The following ZC3H11A variants were observed in gnomAD, a reference collection of about 807,000 sequenced individuals.
The protein encoded by ZC3H11A is zinc finger CCCH domain-containing protein 11A.
In ZC3H11A, 22 loss-of-function variants were observed where a neutral mutation model predicts 90.8. That is an observed-to-expected ratio of 0.24 (90% CI 0.17 to 0.35). The LOEUF (loss-of-function observed/expected upper bound fraction) is 0.35, where lower values mean the gene tolerates loss of function less well. Ranked by LOEUF, ZC3H11A falls within the 10% of genes least tolerant of loss-of-function variation. The pLI, the probability that ZC3H11A is intolerant of heterozygous loss-of-function variation, is 1.00. For missense variants in ZC3H11A, 701 were observed against 964.9 expected (o/e 0.73, Z 3.62); for synonymous variants, 294 against 339.8 (o/e 0.87, Z 1.48).
At position 203,851,109 on chromosome 1, in the gene ZC3H11A, A is replaced by C. The variant is rs1689141187; in HGVS notation, c.2159A>C (p.Glu720Ala). 2 of 1,614,188 alleles carry C rather than the reference A, an allele frequency of 1.2e-6. No homozygotes were observed. The highest frequency in any genetic ancestry group is 4.5e-5 in the East Asian group (2 of 44,876). ...AAATCAGTCACTGTGCCTGAAGCAG[A>C]AAATCCTAGAGACAGGTAATACTTT... ...EDKSVTVPEA[E>A]NPRDSLVLPP... The change falls in exon 17 of 18, where the codon GAA becomes GCA. Residue 720 changes from glutamate to alanine, a missense_variant. This residue lies in a region of ZC3H11A where 91 missense variants were observed against 86.8 expected (regional missense o/e 1.05). Coordinates refer to ENST00000367210, the MANE Select transcript of ZC3H11A (RefSeq NM_001376342.1).
At chr1:203,811,487 C>T (rs1345623567) in intron 2 of ZC3H11A, among the ~76,000 whole-genome samples, 1 of 152,080 alleles carries the variant, frequency 6.6e-6, no homozygotes, top group Non-Finnish European at 1.5e-5. Context: ...TGAGATTGAC[C>T]TCTAAGCCTT....
At chr1:203,835,185 G>A (rs921334948) in intron 10 of ZC3H11A, among the ~76,000 whole-genome samples, 2 of 152,164 alleles carry the variant, frequency 1.3e-5, no homozygotes, top group Non-Finnish European at 2.9e-5. Flanking sequence ...AACTTTCAGC[G>A]ATGAGATAAT....
intron 9 of ZC3H11A, 65 bp downstream of exon 9, chr1:203,831,836 C>T (rs1012714152): frequency 4.6e-6 from 6 of 1,298,948 alleles, no homozygotes; most frequent in Non-Finnish European, 4.3e-6. Flanking sequence ...AATGCAAAAT[C>T]CTTGGGTATC....
intron 4 of ZC3H11A, among the ~76,000 whole-genome samples, chr1:203,821,141 G>A (rs755854080): frequency 4.6e-5 from 7 of 152,092 alleles, no homozygotes; most frequent in Non-Finnish European, 1.0e-4. Flanking sequence ...TCTCATGATA[G>A]TGAGTGCGTT....
chr1:203,838,936 C>T (rs1289862407), intron 11 of ZC3H11A, among the ~76,000 whole-genome samples: 2 of 131,690 alleles, frequency 1.5e-5, no homozygotes, highest in Non-Finnish European at 3.1e-5. Context: ...GCCTGGGTGA[C>T]CGAGTGAGAC....
intron 11 of ZC3H11A, 147 bp downstream of exon 11, chr1:203,838,211 CCTTAGTCTGCTAGATT>C: frequency 2.5e-6 from 2 of 797,000 alleles, no homozygotes; most frequent in Non-Finnish European, 3.9e-6. Context: ...AACATTTGAT[CCTTAGTCTGCTAGATT>C]CTGGGTAGAC....
chr1:203,818,170 A>G (rs560877408), intron 3 of ZC3H11A, among the ~76,000 whole-genome samples: 1 of 152,260 alleles, frequency 6.6e-6, no homozygotes, highest in East Asian at 1.9e-4. Flanking sequence ...GCAGTGGAGC[A>G]CAGTTATATT....
chr1:203,820,878 A>G (rs147338118), intron 4 of ZC3H11A, among the ~76,000 whole-genome samples: 51 of 152,228 alleles, frequency 3.4e-4, no homozygotes, highest in African/African-American at 1.2e-3. Flanking sequence ...TATCTGCCAG[A>G]TTGCTTCATT....
At chr1:203,851,835 GAC>G (rs1689354060) in intron 17 of ZC3H11A, among the ~76,000 whole-genome samples, 1 of 151,562 alleles carries the variant, frequency 6.6e-6, no homozygotes, top group Admixed American at 6.6e-5. Context: ...ATCACATGGT[GAC>G]ACACACCTGT....
rs1366492932 is a variant in ZC3H11A, at chr1:203,852,972, C to T, written c.*573C>T. On this transcript the variant is annotated 3_prime_UTR_variant, in exon 18 of 18. Transcript: ENST00000367210. Reference sequence around the variant, plus strand: ...GGAAGCCTGTAATGTGGGCATAACTCTTTGGACCTGATCTTGATGCTTCTG... The same window carrying T: ...GGAAGCCTGTAATGTGGGCATAACTTTTTGGACCTGATCTTGATGCTTCTG... 6.5e-6 allele frequency: 1 copy of T among 154,364 alleles called. No individual in the cohort carries two copies. The highest frequency in any genetic ancestry group is 1.4e-5 in the Non-Finnish European group (1 of 69,328). 9.6% of individuals were successfully genotyped at this position (154,364 alleles called of 1,614,324 possible). A position where few individuals can be genotyped will look rare whatever the true frequency, so the allele number is the denominator to read the frequency against.
chr1:203,797,744 G>A, intron 1 of ZC3H11A: 1 of 1,535,620 alleles, frequency 6.5e-7, no homozygotes. Context: ...AGGGGAAAAG[G>A]CGTCGAAAAA....
chr1:203,803,698 T>G (rs530636532), intron 2 of ZC3H11A, among the ~76,000 whole-genome samples: 1 of 152,160 alleles, frequency 6.6e-6, no homozygotes, highest in Non-Finnish European at 1.5e-5. Context: ...GTCAAACCCC[T>G]GGGCTTAAGA....
At chr1:203,836,835 A>G (rs1233241538) in intron 10 of ZC3H11A, among the ~76,000 whole-genome samples, 1 of 152,176 alleles carries the variant, frequency 6.6e-6, no homozygotes, top group African/African-American at 2.4e-5. Flanking sequence ...TAACTAGTTG[A>G]TGACTTGGGT....
chr1:203,816,514 G>A (rs1291622202), intron 2 of ZC3H11A, among the ~76,000 whole-genome samples: 1 of 151,980 alleles, frequency 6.6e-6, no homozygotes, highest in East Asian at 1.9e-4. Context: ...CTGTAGTCCT[G>A]GATACTTGGG....
At chr1:203,833,913 C>A in intron 10 of ZC3H11A, 60 bp downstream of exon 10, 1 of 1,547,136 alleles carries the variant, frequency 6.5e-7, no homozygotes, top group Non-Finnish European at 8.8e-7. Flanking sequence ...AACATGATAG[C>A]TTCTCCAAAC....
chr1:203,840,339 G>T lies in ZC3H11A; in HGVS notation c.1007G>T (p.Gly336Val). 2 of 1,612,988 alleles carry T rather than the reference G, an allele frequency of 1.2e-6. No individual in the cohort carries two copies. Among genetic ancestry groups the T allele is most frequent in the South Asian group, 1.1e-5 (1 of 90,980 alleles). Residue 336 changes from glycine to valine, a missense_variant, in exon 12 of 18, where the codon GGC becomes GTC. Physicochemically the swap from Gly to Val is moderately radical, Grantham distance 109. Coordinates refer to ENST00000367210, the MANE Select transcript of ZC3H11A (RefSeq NM_001376342.1). ...QVSKSLKERL[G>V]MSADPDNEDA... is the part of the protein sequence containing the mutation. ...TCCAAGTCTCTTAAGGAGCGATTAG[G>T]CATGTCAGCTGATCCAGATAATGAG... is the stretch of plus-strand genomic sequence containing the variant.
chr1:203,838,148 C>A, intron 11 of ZC3H11A, 84 bp downstream of exon 11: 1 of 1,280,598 alleles, frequency 7.8e-7, no homozygotes. Flanking sequence ...GTTTTTCATT[C>A]TTTTGTTCAG....
At chr1:203,845,051 A>G (rs940699408) in intron 12 of ZC3H11A, among the ~76,000 whole-genome samples, 2 of 152,124 alleles carry the variant, frequency 1.3e-5, no homozygotes, top group Non-Finnish European at 2.9e-5. Context: ...TGCTTTTAAT[A>G]TTAGTTAACC....
intron 10 of ZC3H11A, 122 bp from the exon 11 acceptor site, chr1:203,837,844 A>G: frequency 2.3e-6 from 2 of 877,994 alleles, no homozygotes; most frequent in Non-Finnish European, 3.5e-6. Context: ...CTGGTGAACA[A>G]ACACGCCATA....
Sources: gnomAD v4.1 joint callset for allele counts (sites outside exome capture counted in the v4.1 genomes callset) on GRCh38, gnomAD v4.1.1 for gene constraint, gnomAD v4.1.1 regional missense constraint, MANE v1.5 for transcripts, NCBI Gene and HGNC (gene_info 2026-07-23, HGNC 2026-07-21) for gene names.